CNTN1: variants seen among roughly 807,000 people sequenced by gnomAD.
CNTN1 encodes contactin 1.
A neutral mutation model predicts 126.4 loss-of-function variants in CNTN1; 38 were observed. That is an observed-to-expected ratio of 0.30 (90% CI 0.23 to 0.39). The LOEUF (loss-of-function observed/expected upper bound fraction) is 0.39. Among genes scored for constraint, CNTN1 ranks in the 10% least tolerant of loss-of-function variants. CNTN1 has a pLI of 1.00. For missense variants in CNTN1, 1,009 were observed against 1,248.4 expected, an observed-to-expected ratio of 0.81 and a Z score of 2.89; for synonymous variants, 413 against 422.6, an observed-to-expected ratio of 0.98 and a Z score of 0.28.
At position 41,070,130 on chromosome 12, in the gene CNTN1, C is replaced by A; in HGVS notation, c.*95C>A. On this transcript the variant is annotated 3_prime_UTR_variant, in exon 24 of 24. Transcript: ENST00000551295. Reference sequence around the variant, plus strand: ...TCCTTCCAATTTCTGCGGCTCCATCCTAAGCCAAATAAATTATACTTTAAC... The same window carrying A: ...TCCTTCCAATTTCTGCGGCTCCATCATAAGCCAAATAAATTATACTTTAAC... 9.3e-7 allele frequency: 1 copy of A among 1,073,216 alleles called. No homozygotes were observed. Among genetic ancestry groups the A allele is most frequent in the Non-Finnish European group, 1.4e-6 (1 of 695,592 alleles). 66.5% of individuals were successfully genotyped at this position (1,073,216 alleles called of 1,614,324 possible).
chr12:41,009,151 A>G (rs1948583238), intron 17 of CNTN1, among the ~76,000 whole-genome samples: 1 of 152,242 alleles, frequency 6.6e-6, no homozygotes, highest in Non-Finnish European at 1.5e-5. Context: ...GGTCTGTACC[A>G]CAACTTGTTC....
chr12:40,895,448 T>C (rs1565898858), intron 1 of CNTN1, among the ~76,000 whole-genome samples: 1 of 152,180 alleles, frequency 6.6e-6, no homozygotes, highest in Non-Finnish European at 1.5e-5. Context: ...GAGAGCCTCC[T>C]TGCTGGTGGG....
At chr12:40,905,456 A>G (rs995244106) in intron 1 of CNTN1, among the ~76,000 whole-genome samples, 4 of 152,140 alleles carry the variant, frequency 2.6e-5, no homozygotes, top group African/African-American at 7.2e-5. Context: ...TTGCCCCTCA[A>G]TAGCAACACT....
chr12:40,697,400 A>T (rs1453068529), intron 1 of CNTN1, among the ~76,000 whole-genome samples: 1 of 152,100 alleles, frequency 6.6e-6, no homozygotes, highest in Non-Finnish European at 1.5e-5. Flanking sequence ...TGTATTTTTT[A>T]ATTTGTGAAT....
chr12:40,752,336 T>A (rs549284590), intron 1 of CNTN1, among the ~76,000 whole-genome samples: 3 of 152,112 alleles, frequency 2.0e-5, no homozygotes, highest in African/African-American at 7.2e-5. Context: ...TAATACTCTG[T>A]TGCTTGAGTA....
chr12:40,756,599 A>G (rs1177535243), intron 1 of CNTN1, among the ~76,000 whole-genome samples: 1 of 152,128 alleles, frequency 6.6e-6, no homozygotes, highest in Non-Finnish European at 1.5e-5. Context: ...CATGAGTTTC[A>G]AAGCTGAGGG....
chr12:40,920,772 C>T (rs1945412156), intron 4 of CNTN1, among the ~76,000 whole-genome samples: 1 of 152,096 alleles, frequency 6.6e-6, no homozygotes, highest in African/African-American at 2.4e-5. Context: ...TTGCCCCCAT[C>T]CCCAAAGAAA....
At chr12:40,772,789 T>C (rs183089175) in intron 1 of CNTN1, among the ~76,000 whole-genome samples, 90 of 151,982 alleles carry the variant, frequency 5.9e-4, no homozygotes, top group African/African-American at 2.1e-3. Context: ...ATTAAAAAGT[T>C]GTTGTAATTG....
At chr12:40,739,749 C>T (rs1469774800) in intron 1 of CNTN1, among the ~76,000 whole-genome samples, 9 of 151,884 alleles carry the variant, frequency 5.9e-5, no homozygotes, top group Non-Finnish European at 1.3e-4. Context: ...TTTCTGTGTC[C>T]TTGAAATACT....
chr12:40,805,569 G>A (rs1940819466), intron 1 of CNTN1, among the ~76,000 whole-genome samples: 1 of 152,014 alleles, frequency 6.6e-6, no homozygotes, highest in African/African-American at 2.4e-5. Context: ...TGTTAAGGAA[G>A]GTTTCCCACT....
intron 7 of CNTN1, among the ~76,000 whole-genome samples, chr12:40,930,416 G>C (rs1945843584): frequency 1.3e-5 from 2 of 151,894 alleles, no homozygotes; most frequent in South Asian, 4.2e-4. Context: ...AAGTCATTTT[G>C]ATTATTTTGG....
chr12:41,036,051 A>G (rs1159475312), intron 23 of CNTN1, among the ~76,000 whole-genome samples: 1 of 152,142 alleles, frequency 6.6e-6, no homozygotes, highest in Non-Finnish European at 1.5e-5. Context: ...TAGTGAAAAG[A>G]AAGCAAGTCT....
intron 23 of CNTN1, among the ~76,000 whole-genome samples, chr12:41,042,544 G>T (rs1367004882): frequency 4.6e-5 from 7 of 151,996 alleles, no homozygotes; most frequent in Non-Finnish European, 8.8e-5. Flanking sequence ...ATTATTGTGT[G>T]GGAGTCTAAG....
chr12:40,820,143 C>G (rs1051889324), intron 1 of CNTN1, among the ~76,000 whole-genome samples: 1 of 152,128 alleles, frequency 6.6e-6, no homozygotes, highest in Non-Finnish European at 1.5e-5. Flanking sequence ...AAAGGGGAAC[C>G]AGCATGTGCA....
Position 40,989,695 on chromosome 12 carries a change from G to A in CNTN1, c.1964-3425G>A, listed in dbSNP as rs559043477. On this transcript the variant is annotated intron_variant, in intron 16 of 23. Coordinates refer to ENST00000551295, the MANE Select transcript of CNTN1 (RefSeq NM_001843.4). ...TTACATATATATTTTAAGCAAAAAT[G>A]TATTAAGTACTTCTATTTGTAAAAC... Among the ~76,000 whole-genome samples, 6 of 152,238 alleles carry A rather than the reference G, an allele frequency of 3.9e-5. No individual in the cohort carries two copies. The South Asian group carries it at 1.2e-3, about 32-fold the overall frequency.
At chr12:40,906,225 T>C (rs892407456) in intron 1 of CNTN1, among the ~76,000 whole-genome samples, 1 of 152,012 alleles carries the variant, frequency 6.6e-6, no homozygotes. Context: ...GAGCCGAGAC[T>C]GCACCACTGC....
chr12:41,010,955 A>G (rs895699549), intron 17 of CNTN1, among the ~76,000 whole-genome samples: 26 of 151,318 alleles, frequency 1.7e-4, no homozygotes, highest in African/African-American at 6.1e-4. Context: ...TTCCTTTTTA[A>G]TCTACCACAG....
At chr12:41,003,494 T>G (rs1948415813) in intron 17 of CNTN1, among the ~76,000 whole-genome samples, 2 of 152,084 alleles carry the variant, frequency 1.3e-5, no homozygotes, top group Admixed American at 1.3e-4. Context: ...CCTCCTCAAT[T>G]TTTCGGAATA....
intron 15 of CNTN1, among the ~76,000 whole-genome samples, chr12:40,959,699 T>C (rs964281130): frequency 6.6e-6 from 1 of 152,110 alleles, no homozygotes; most frequent in African/African-American, 2.4e-5. Context: ...GCTGGTTTTT[T>C]CAAATTAGTG....
Sources: gnomAD v4.1 joint callset for allele counts (sites outside exome capture counted in the v4.1 genomes callset) on GRCh38, gnomAD v4.1.1 for gene constraint, MANE v1.5 for transcripts, NCBI Gene and HGNC (gene_info 2026-07-23, HGNC 2026-07-21) for gene names.